PPARG: variants seen among roughly 807,000 people sequenced by gnomAD.
PPARG encodes peroxisome proliferator activated receptor gamma.
Under a neutral mutation model 39.2 loss-of-function variants are expected in PPARG, and 17 were observed. The observed-to-expected ratio is 0.43, with a 90% confidence interval of 0.30 to 0.65. The LOEUF (loss-of-function observed/expected upper bound fraction) is 0.65, where lower values mean the gene tolerates loss of function less well. Among genes scored for constraint, PPARG ranks in the 30% least tolerant of loss-of-function variants. The pLI, the probability that PPARG is intolerant of heterozygous loss-of-function variation, is 0.13. For missense variants in PPARG, 406 were observed against 585.9 expected, an observed-to-expected ratio of 0.69 and a Z score of 3.17; for synonymous variants, 223 against 215.7, an observed-to-expected ratio of 1.03 and a Z score of -0.30.
intron 5 of PPARG, among the ~76,000 whole-genome samples, chr3:12,402,895 A>G (rs999642513): frequency 1.3e-5 from 2 of 152,350 alleles, no homozygotes; most frequent in East Asian, 3.9e-4. Context: ...AGTCTCTGAT[A>G]TAAAATGGCA....
At chr3:12,334,146 G>A (rs2047942717) in intron 2 of PPARG, among the ~76,000 whole-genome samples, 1 of 151,748 alleles carries the variant, frequency 6.6e-6, no homozygotes, top group African/African-American at 2.4e-5. Context: ...TTCCCACAGT[G>A]TCTCTTAAAT....
At position 12,405,798 on chromosome 3, in the gene PPARG, G is replaced by A. The variant is rs557422724; in HGVS notation, c.530-84G>A. On this transcript the variant is annotated intron_variant, in intron 5 of 7. Transcript: ENST00000651735. ...TGGAGGAGGAGGGCTTCTACTGTGTGGGAACGAGGGCTGGGAGAGCACAGT... is the reference window on the plus strand; with the variant it reads ...TGGAGGAGGAGGGCTTCTACTGTGTAGGAACGAGGGCTGGGAGAGCACAGT... The A allele has an allele frequency of 3.1e-5, 43 of 1,404,954 alleles. No homozygotes were observed. The East Asian group carries it at 9.6e-4, about 31-fold the overall frequency. 87.0% of individuals were successfully genotyped at this position (1,404,954 alleles called of 1,614,324 possible). A position where few individuals can be genotyped will look rare whatever the true frequency, so the allele number is the denominator to read the frequency against.
intron 4 of PPARG, among the ~76,000 whole-genome samples, chr3:12,381,708 A>G (rs2049669450): frequency 1.3e-5 from 2 of 150,288 alleles, no homozygotes; most frequent in Admixed American, 1.3e-4. Context: ...CTCCCAAAGG[A>G]TGATATAAGA....
chr3:12,312,761 A>G (rs1381069636), intron 2 of PPARG, among the ~76,000 whole-genome samples: 1 of 152,162 alleles, frequency 6.6e-6, no homozygotes, highest in African/African-American at 2.4e-5. Context: ...TAATTACATT[A>G]TTTTAGATTC....
At chr3:12,355,620 A>T (rs1484700255) in intron 2 of PPARG, among the ~76,000 whole-genome samples, 2 of 152,164 alleles carry the variant, frequency 1.3e-5, no homozygotes, top group Non-Finnish European at 2.9e-5. Flanking sequence ...AAACTCTGAA[A>T]ATCACTGTTT....
At chr3:12,431,944 C>T (rs1434765283) in intron 7 of PPARG, among the ~76,000 whole-genome samples, 4 of 151,686 alleles carry the variant, frequency 2.6e-5, no homozygotes, top group African/African-American at 4.8e-5. Context: ...AAAAAAAAAG[C>T]GTTAAGTTAA....
At chr3:12,321,559 C>G (rs1201641289) in intron 2 of PPARG, among the ~76,000 whole-genome samples, 1 of 152,048 alleles carries the variant, frequency 6.6e-6, no homozygotes, top group Non-Finnish European at 1.5e-5. Flanking sequence ...TCAGGTTTTC[C>G]TTATTCCTCA....
chr3:12,324,456 G>C (rs2047636942), intron 2 of PPARG, among the ~76,000 whole-genome samples: 1 of 152,116 alleles, frequency 6.6e-6, no homozygotes, highest in Non-Finnish European at 1.5e-5. Context: ...ACTATACTTT[G>C]AAAGTCATAT....
At chr3:12,358,316 G>T (rs2048731724) in intron 2 of PPARG, among the ~76,000 whole-genome samples, 1 of 152,042 alleles carries the variant, frequency 6.6e-6, no homozygotes. Context: ...TATTTAATTA[G>T]CTAATATCTA....
chr3:12,287,899 C>T (rs1012460308), upstream of PPARG: 2 of 144,270 alleles, frequency 1.4e-5, no homozygotes, highest in African/African-American at 5.0e-5. Flanking sequence ...CGACCCGGCT[C>T]CGCCGCGGGC....
intron 5 of PPARG, among the ~76,000 whole-genome samples, chr3:12,404,943 C>T (rs1380630202): frequency 2.6e-5 from 4 of 152,190 alleles, no homozygotes; most frequent in African/African-American, 9.7e-5. Context: ...ACCATAAAAA[C>T]GCATGGCTGT....
chr3:12,375,262 G>A (rs140822977), intron 2 of PPARG, among the ~76,000 whole-genome samples: 1 of 152,250 alleles, frequency 6.6e-6, no homozygotes, highest in Non-Finnish European at 1.5e-5. Flanking sequence ...GAGAGAGAGA[G>A]AGAGAGAGGA....
intron 1 of PPARG, among the ~76,000 whole-genome samples, chr3:12,306,432 A>G (rs2047065044): frequency 6.6e-6 from 1 of 152,186 alleles, no homozygotes; most frequent in African/African-American, 2.4e-5. Context: ...AGATGAAGAA[A>G]CAGGAACAGA....
At chr3:12,393,279 A>G (rs2050146259) in intron 5 of PPARG, among the ~76,000 whole-genome samples, 1 of 149,830 alleles carries the variant, frequency 6.7e-6, no homozygotes, top group African/African-American at 2.5e-5. Flanking sequence ...TGAGTTGTGG[A>G]AAGGGTAAAA....
At chr3:12,379,382 C>T (rs2049538256) in intron 2 of PPARG, among the ~76,000 whole-genome samples, 1 of 152,170 alleles carries the variant, frequency 6.6e-6, no homozygotes, top group Non-Finnish European at 1.5e-5. Context: ...TAACAGCAGT[C>T]ATTAACAGAC....
At chr3:12,341,157 T>C (rs1350938230) in intron 2 of PPARG, among the ~76,000 whole-genome samples, 2 of 149,916 alleles carry the variant, frequency 1.3e-5, no homozygotes, top group Non-Finnish European at 3.0e-5. Context: ...CACTCCAGCC[T>C]GGGCAACAGA....
intron 2 of PPARG, among the ~76,000 whole-genome samples, chr3:12,322,021 T>G (rs542538734): frequency 2.2e-4 from 34 of 152,348 alleles, no homozygotes; most frequent in African/African-American, 8.2e-4. Context: ...TTGATCAACA[T>G]GCGATGCAAA....
intron 2 of PPARG, among the ~76,000 whole-genome samples, chr3:12,334,362 C>T (rs541304149): frequency 6.6e-6 from 1 of 152,006 alleles, no homozygotes; most frequent in Non-Finnish European, 1.5e-5. Flanking sequence ...TCCCAAGTAG[C>T]CAGGATTACA....
chr3:12,335,731 A>G (rs951135808), intron 2 of PPARG, among the ~76,000 whole-genome samples: 8 of 152,312 alleles, frequency 5.3e-5, no homozygotes, highest in African/African-American at 1.9e-4. Context: ...AAGCAAAGCA[A>G]AGAAAATTCA....
Sources: gnomAD v4.1 joint callset for allele counts (sites outside exome capture counted in the v4.1 genomes callset) on GRCh38, gnomAD v4.1.1 for gene constraint, MANE v1.5 for transcripts, NCBI Gene and HGNC (gene_info 2026-07-23, HGNC 2026-07-21) for gene names.